Variants in ABCC12 observed in about 807,000 individuals in gnomAD.
ABCC12 encodes ATP binding cassette subfamily C member 12, also known as ATP-binding cassette sub-family C member 12.
In ABCC12, 142 loss-of-function variants were observed where a neutral mutation model predicts 151.1. The ratio of observed to expected loss-of-function variants is 0.94; its 90% CI spans 0.82 to 1.08. The LOEUF (loss-of-function observed/expected upper bound fraction) is 1.08. Among genes scored for constraint, ABCC12 ranks in the 50% least tolerant of loss-of-function variants. The pLI, the probability that ABCC12 is intolerant of heterozygous loss-of-function variation, is 0.00. For synonymous variants in ABCC12, 645 were observed against 646.4 expected (o/e 1.00, Z 0.03); for missense variants, 1,638 against 1,691.1 (o/e 0.97, Z 0.55).
At chr16:48,089,920 T>A (rs1323928405) in intron 25 of ABCC12, among the ~76,000 whole-genome samples, 1 of 152,246 alleles carries the variant, frequency 6.6e-6, no homozygotes, top group African/African-American at 2.4e-5. Flanking sequence ...AAGCTTACTA[T>A]GTTTATAAGT....
At chr16:48,088,878 C>A in intron 25 of ABCC12, 144 bp from the exon 26 acceptor site, 2 of 697,122 alleles carry the variant, frequency 2.9e-6, no homozygotes, top group South Asian at 2.5e-5. Flanking sequence ...ATTCTAGAAA[C>A]TCACATTCCA....
chr16:48,097,639 A>G (rs2150595419), intron 23 of ABCC12, among the ~76,000 whole-genome samples: 1 of 152,272 alleles, frequency 6.6e-6, no homozygotes, highest in South Asian at 2.1e-4. Context: ...AGATGTATGC[A>G]AGGTGGATCC....
chr16:48,146,660 G>C (rs1044919962), intron 2 of ABCC12, 186 bp from the exon 3 acceptor site: 1 of 471,976 alleles, frequency 2.1e-6, no homozygotes, highest in South Asian at 3.3e-5. Flanking sequence ...GCTACGCTGA[G>C]GCTTTCTTAT....
At chr16:48,148,091 G>T (rs1183823652) in intron 2 of ABCC12, among the ~76,000 whole-genome samples, 2 of 152,134 alleles carry the variant, frequency 1.3e-5, no homozygotes, top group African/African-American at 4.8e-5. Context: ...GGGACTAGAG[G>T]TGCACGCCAC....
At chr16:48,120,910 A>C (rs986739380) in intron 13 of ABCC12, among the ~76,000 whole-genome samples, 2 of 152,216 alleles carry the variant, frequency 1.3e-5, no homozygotes, top group African/African-American at 2.4e-5. Flanking sequence ...CTGTCTGTTC[A>C]TTACATACTA....
At chr16:48,151,711 GA>G (rs1965119381) in intron 2 of ABCC12, among the ~76,000 whole-genome samples, 1 of 152,172 alleles carries the variant, frequency 6.6e-6, no homozygotes, top group South Asian at 2.1e-4. Flanking sequence ...CCAAATTCAA[GA>G]TGATGGTTAC....
intron 24 of ABCC12, among the ~76,000 whole-genome samples, chr16:48,093,753 C>T (rs1962996100): frequency 6.6e-6 from 1 of 152,220 alleles, no homozygotes; most frequent in Non-Finnish European, 1.5e-5. Flanking sequence ...GCAAGAGTAT[C>T]AGCTCCCAAG....
intron 10 of ABCC12, among the ~76,000 whole-genome samples, chr16:48,130,441 A>G (rs183654369): frequency 6.6e-6 from 1 of 152,348 alleles, no homozygotes; most frequent in African/African-American, 2.4e-5. Flanking sequence ...TTCCATCACC[A>G]TGCCCATTAA....
At chr16:48,112,852 C>T (rs1040728547) in intron 15 of ABCC12, among the ~76,000 whole-genome samples, 1 of 152,156 alleles carries the variant, frequency 6.6e-6, no homozygotes, top group Admixed American at 6.5e-5. Context: ...AAAAACACAG[C>T]TACATTTAAT....
At chr16:48,088,770 C>A in intron 25 of ABCC12, 36 bp from the exon 26 acceptor site, 1 of 1,545,554 alleles carries the variant, frequency 6.5e-7, no homozygotes, top group South Asian at 1.2e-5. Flanking sequence ...AGTGACTAGC[C>A]ATTTGTTTTT....
chr16:48,141,382 G>C, intron 4 of ABCC12, 29 bp from the exon 5 acceptor site: 2 of 1,612,856 alleles, frequency 1.2e-6, no homozygotes, highest in Non-Finnish European at 1.7e-6. Flanking sequence ...AGCATAAAAT[G>C]GATTGGCACT....
In ABCC12 at chr16:48,109,422, C is replaced by T. The variant is rs571846032; in HGVS notation, c.2282-893G>A. Among the ~76,000 whole-genome samples, 5 of 152,326 alleles carry T rather than the reference C, an allele frequency of 3.3e-5. No individual in the cohort carries two copies. The East Asian group carries it at 9.6e-4, about 29-fold the overall frequency. ...ATAAAGCAGCTCCTAGCAGCCAGTA[C>T]TGAATGCATGTCTCTTCCGCTCCTC... On this transcript the variant is annotated intron_variant, in intron 18 of 30. Transcript: ENST00000311303.
chr16:48,087,964 C>T lies in ABCC12; in HGVS notation c.3597G>A (p.Val1199=). The part of the protein sequence containing the change: ...SLEDLRTKLT[V]IPQDPVLFVG... ...CAAACAGGACAGGATCCTGTGGGAT[C>T]ACAGTCAGCTTGGTTCTGAGGTCTT... is the stretch of plus-strand genomic sequence containing the variant. Residue 1199 remains valine (V), a synonymous_variant, in exon 27 of 31, where the codon GTG becomes GTA. Transcript: ENST00000311303. 1 of 1,614,144 alleles carries T rather than the reference C, an allele frequency of 6.2e-7. No individual in the cohort carries two copies. The highest frequency in any genetic ancestry group is 8.5e-7 in the Non-Finnish European group (1 of 1,179,998).
intron 29 of ABCC12, among the ~76,000 whole-genome samples, chr16:48,084,855 G>A (rs1355094573): frequency 6.6e-5 from 10 of 152,044 alleles, no homozygotes; most frequent in Non-Finnish European, 5.9e-5. Flanking sequence ...ATCACAGGAC[G>A]GATTTGATTT....
intron 3 of ABCC12, among the ~76,000 whole-genome samples, chr16:48,145,148 C>CCTCACCTTCCAACCTCCACCT (rs2150679898): frequency 1.3e-5 from 2 of 152,256 alleles, no homozygotes; most frequent in South Asian, 4.2e-4. Flanking sequence ...TAGCCCACGT[C>CCTCACCTTCCAACCTCCACCT]CTCACCTTCC....
Position 48,108,457 on chromosome 16 carries a change from T to C in ABCC12, c.2354A>G (p.Tyr785Cys), listed in dbSNP as rs767772818. The C allele has an allele frequency of 6.2e-7, 1 of 1,614,114 alleles. No individual in the cohort carries two copies. The highest frequency in any genetic ancestry group is 8.5e-7 in the Non-Finnish European group (1 of 1,179,948). ...TACTGAACCTCCAGAAGCCTTAATG[T>C]ACGTGTGATATGTTTTCCAGGTCAC... ...GTVTWKTYHT[Y>C]IKASGGYLLS... Residue 785 changes from tyrosine (Y) to cysteine (C), a missense_variant, in exon 19 of 31, where the codon TAC (tyrosine) becomes TGC (cysteine). Coordinates refer to ENST00000311303, the MANE Select transcript of ABCC12 (RefSeq NM_001393797.1).
At chr16:48,135,129 C>T (rs1336965604) in intron 8 of ABCC12, among the ~76,000 whole-genome samples, 1 of 152,056 alleles carries the variant, frequency 6.6e-6, no homozygotes, top group East Asian at 1.9e-4. Context: ...ACGATTTTGC[C>T]TGTAACTTCG....
At chr16:48,155,667 C>G (rs1340058764) in intron 1 of ABCC12, among the ~76,000 whole-genome samples, 174 bp downstream of exon 1, 1 of 152,236 alleles carries the variant, frequency 6.6e-6, no homozygotes, top group Non-Finnish European at 1.5e-5. Flanking sequence ...GGAGCCTCGT[C>G]CCTGCTGCCT....
chr16:48,146,713 C>T (rs1965016222), intron 2 of ABCC12: 1 of 296,056 alleles, frequency 3.4e-6, no homozygotes, highest in Non-Finnish European at 6.3e-6. Context: ...TTGGGTTGGC[C>T]AAGAGCAGAA....
Sources: gnomAD v4.1 joint callset for allele counts (sites outside exome capture counted in the v4.1 genomes callset) on GRCh38, gnomAD v4.1.1 for gene constraint, MANE v1.5 for transcripts, NCBI Gene and HGNC (gene_info 2026-07-23, HGNC 2026-07-21) for gene names.